The following JMJD1C variants were observed in gnomAD, a reference collection of about 807,000 sequenced individuals.
The protein encoded by JMJD1C is jumonji domain containing 1C.
JMJD1C carries 31 observed loss-of-function variants against 245.3 expected under a neutral mutation model. That is an observed-to-expected ratio of 0.13 (90% confidence interval 0.09 to 0.17). JMJD1C has a LOEUF of 0.17. JMJD1C is among the 10% of genes least tolerant of loss of function. The pLI is 1.00. For synonymous variants in JMJD1C, 1,057 were observed against 1,017.4 expected (o/e 1.04, Z -0.74); for missense variants, 2,691 against 3,000.2 (o/e 0.90, Z 2.41).
At chr10:63,326,666 G>A (rs1206461737) in intron 2 of JMJD1C, among the ~76,000 whole-genome samples, 1 of 152,054 alleles carries the variant, frequency 6.6e-6, no homozygotes, top group Non-Finnish European at 1.5e-5. Flanking sequence ...GATTACCTGA[G>A]GTCAGGAGTT....
chr10:63,421,899 A>G (rs1453943560), intron 1 of JMJD1C, among the ~76,000 whole-genome samples: 1 of 152,152 alleles, frequency 6.6e-6, no homozygotes, highest in African/African-American at 2.4e-5. Context: ...TGTGATCTTG[A>G]ATTTGTGGCC....
intron 2 of JMJD1C, among the ~76,000 whole-genome samples, chr10:63,278,253 A>C (rs1325401839): frequency 1.3e-5 from 2 of 151,894 alleles, no homozygotes; most frequent in Non-Finnish European, 2.9e-5. Flanking sequence ...TGGGAAGTTG[A>C]GGTAGGCAGA....
chr10:63,296,200 G>A (rs1859417407), intron 2 of JMJD1C, among the ~76,000 whole-genome samples: 1 of 151,232 alleles, frequency 6.6e-6, no homozygotes, highest in African/African-American at 2.4e-5. Flanking sequence ...AGTAGAGACA[G>A]GTCTTCACCA....
At chr10:63,408,169 C>T (rs1949277355) in intron 1 of JMJD1C, among the ~76,000 whole-genome samples, 1 of 152,044 alleles carries the variant, frequency 6.6e-6, no homozygotes, top group African/African-American at 2.4e-5. Context: ...TATGGGAGGC[C>T]GAGGCAGGTG....
chr10:63,231,365 T>C (rs1480306590), intron 3 of JMJD1C, among the ~76,000 whole-genome samples: 1 of 152,218 alleles, frequency 6.6e-6, no homozygotes. Context: ...TTACTGCAAT[T>C]AGCCTGGTGG....
chr10:63,412,355 A>T (rs976177412), intron 1 of JMJD1C, among the ~76,000 whole-genome samples: 21 of 152,206 alleles, frequency 1.4e-4, no homozygotes, highest in Non-Finnish European at 1.9e-4. Context: ...TGATTCCTAA[A>T]TTTCTGTTCT....
chr10:63,454,189 T>C (rs563434503), intron 1 of JMJD1C, among the ~76,000 whole-genome samples: 7 of 152,212 alleles, frequency 4.6e-5, no homozygotes, highest in Non-Finnish European at 8.8e-5. Context: ...TATCTGAGAC[T>C]GTGGATATTA....
At chr10:63,292,584 C>G (rs1305561047) in intron 2 of JMJD1C, among the ~76,000 whole-genome samples, 1 of 152,084 alleles carries the variant, frequency 6.6e-6, no homozygotes, top group Admixed American at 6.6e-5. Flanking sequence ...GCACTCCACC[C>G]TGGATGACAG....
chr10:63,518,948 T>C (rs1955114262), intron 1 of JMJD1C, among the ~76,000 whole-genome samples: 2 of 152,256 alleles, frequency 1.3e-5, no homozygotes, highest in Admixed American at 1.3e-4. Flanking sequence ...CTGTTACCAA[T>C]GACCTATGTG....
intron 1 of JMJD1C, among the ~76,000 whole-genome samples, chr10:63,384,273 C>G (rs1253185436): frequency 3.9e-5 from 6 of 152,180 alleles, no homozygotes; most frequent in Non-Finnish European, 8.8e-5. Context: ...GACCTCCTCC[C>G]ATGAATCATG....
At chr10:63,258,423 G>T (rs1010082121) in intron 3 of JMJD1C, among the ~76,000 whole-genome samples, 1 of 152,140 alleles carries the variant, frequency 6.6e-6, no homozygotes, top group Non-Finnish European at 1.5e-5. Context: ...AGATAATTTT[G>T]TTACTCTCCT....
intron 1 of JMJD1C, among the ~76,000 whole-genome samples, chr10:63,381,982 C>A (rs1311065178): frequency 6.6e-6 from 1 of 152,118 alleles, no homozygotes; most frequent in African/African-American, 2.4e-5. Flanking sequence ...GAAGCTAAGG[C>A]GGGTGGATCA....
At chr10:63,252,149 G>A (rs995729177) in intron 3 of JMJD1C, among the ~76,000 whole-genome samples, 1 of 152,180 alleles carries the variant, frequency 6.6e-6, no homozygotes, top group South Asian at 2.1e-4. Flanking sequence ...CTTGCCAAAG[G>A]CATTTTATTT....
At position 63,303,096 on chromosome 10, in the gene JMJD1C, T is replaced by G. The variant is rs143456995; in HGVS notation, c.334-38332A>C. Among the ~76,000 whole-genome samples the G allele has an allele frequency of 5.9e-5, 9 of 152,154 alleles. No homozygotes were observed. The East Asian group carries it at 1.4e-3, about 23-fold the overall frequency. On this transcript the variant is annotated intron_variant, in intron 2 of 25. Transcript: ENST00000399262. Reference sequence around the variant, plus strand: ...GAAAGTAATAGGAAAAAAATTGTGTTGTAATATTCACTAATTCACTAAGCA... The same window carrying G: ...GAAAGTAATAGGAAAAAAATTGTGTGGTAATATTCACTAATTCACTAAGCA...
At chr10:63,414,744 C>T (rs1564895382) in intron 1 of JMJD1C, among the ~76,000 whole-genome samples, 1 of 151,648 alleles carries the variant, frequency 6.6e-6, no homozygotes, top group African/African-American at 2.4e-5. Context: ...ATAACAACAA[C>T]AACAACAACA....
intron 2 of JMJD1C, among the ~76,000 whole-genome samples, chr10:63,368,246 C>A (rs1302080597): frequency 6.6e-6 from 1 of 152,172 alleles, no homozygotes; most frequent in Non-Finnish European, 1.5e-5. Flanking sequence ...AATATATATA[C>A]TGTCCTGGGA....
At chr10:63,376,821 G>C (rs1257813931) in intron 2 of JMJD1C, among the ~76,000 whole-genome samples, 1 of 152,170 alleles carries the variant, frequency 6.6e-6, no homozygotes, top group Non-Finnish European at 1.5e-5. Flanking sequence ...CACAATGCTG[G>C]TGGAAATGAA....
At chr10:63,448,060 C>T (rs2616632) in intron 1 of JMJD1C, among the ~76,000 whole-genome samples, 149,311 of 152,332 alleles carry the variant, frequency 0.98, 73,233 homozygotes, top group Middle Eastern at 1. Context: ...AAGACATTAA[C>T]AGACCATAAA....
chr10:63,234,366 T>C (rs550027443), intron 3 of JMJD1C, among the ~76,000 whole-genome samples: 26 of 151,750 alleles, frequency 1.7e-4, no homozygotes, highest in African/African-American at 3.9e-4. Flanking sequence ...TTATGGTGCA[T>C]GCCTGTAGTC....
Sources: allele counts gnomAD v4.1 joint callset (sites outside exome capture counted in the v4.1 genomes callset), GRCh38; gene constraint gnomAD v4.1.1; transcripts MANE v1.5; gene names NCBI Gene and HGNC (gene_info 2026-07-23, HGNC 2026-07-21).